The following LOXHD1 variants were observed in gnomAD, a reference collection of about 807,000 sequenced individuals.
LOXHD1 encodes lipoxygenase homology PLAT domains 1, also known as lipoxygenase homology domain-containing protein 1.
Under a neutral mutation model 248.2 loss-of-function variants are expected in LOXHD1, and 205 were observed. The observed-to-expected ratio is 0.83, with a 90% CI of 0.74 to 0.93. The LOEUF is 0.93. LOXHD1 is among the 40% of genes least tolerant of loss of function. The pLI, the probability that LOXHD1 is intolerant of heterozygous loss-of-function variation, is 0.00. For missense variants in LOXHD1, 2,930 were observed against 2,971.6 expected (o/e 0.99, Z 0.33); for synonymous variants, 1,113 against 1,162.8 (o/e 0.96, Z 0.87).
At chr18:46,639,160 G>A (rs1316115465) in intron 4 of LOXHD1, among the ~76,000 whole-genome samples, 1 of 152,204 alleles carries the variant, frequency 6.6e-6, no homozygotes, top group Non-Finnish European at 1.5e-5. Context: ...GGAGGAGTCA[G>A]AGGGCAGCAT....
At chr18:46,559,076 G>T in intron 20 of LOXHD1, 1 of 1,170,814 alleles carries the variant, frequency 8.5e-7, no homozygotes, top group South Asian at 1.3e-5. Context: ...ATACTCACCT[G>T]CCAAGGCCCA....
In LOXHD1 at chr18:46,583,111, C is replaced by T. The variant is rs145055527; in HGVS notation, c.1655-3327G>A. ...TCAACAAAATACACATTTTTCTATT[C>T]AAAGTCACAAAAAGGGTGAAAATAA... On this transcript the variant is annotated intron_variant, in intron 12 of 40. Coordinates refer to ENST00000642948, the MANE Select transcript of LOXHD1 (RefSeq NM_001384474.1). Among the ~76,000 whole-genome samples the T allele has an allele frequency of 5.0e-3, 761 of 152,054 alleles. 8 individuals carry two copies. The highest frequency in any genetic ancestry group is 0.016 in the African/African-American group (658 of 41,478).
chr18:46,646,839 G>A (rs924789141), intron 2 of LOXHD1, among the ~76,000 whole-genome samples: 1 of 152,218 alleles, frequency 6.6e-6, no homozygotes, highest in African/African-American at 2.4e-5. Context: ...ACTGGCCTTT[G>A]CCGAGCTCTG....
In LOXHD1 at chr18:46,534,366, A is replaced by T. The variant is rs1356532043; in HGVS notation, c.4181T>A (p.Val1394Glu). The T allele has an allele frequency of 6.4e-7, 1 of 1,551,696 alleles. No individual in the cohort carries two copies. Among genetic ancestry groups the T allele is most frequent in the East Asian group, 2.4e-5 (1 of 40,928 alleles). The change falls in exon 27 of 41, where the codon GTG (valine) becomes GAG (glutamate). Residue 1394 changes from valine (V) to glutamate (E), a missense_variant. Transcript: ENST00000642948. Reference sequence around the variant, plus strand: ...ATCCGGGAGGAGCCTGCGGATGTCCACGTGAGAGCAGTGCCACCCAGGATT... The same window carrying T: ...ATCCGGGAGGAGCCTGCGGATGTCCTCGTGAGAGCAGTGCCACCCAGGATT... ...GMNPGWHCSHVDIRRLLPDKD... is the reference protein window; with the variant it reads ...GMNPGWHCSHEDIRRLLPDKD...
At chr18:46,628,624 T>C (rs1346487635) in intron 4 of LOXHD1, among the ~76,000 whole-genome samples, 1 of 152,098 alleles carries the variant, frequency 6.6e-6, no homozygotes, top group Admixed American at 6.5e-5. Flanking sequence ...ACTGAGTAGC[T>C]CTGGAGTACT....
At position 46,643,713 on chromosome 18, in the gene LOXHD1, A is replaced by G. The variant is rs145351939; in HGVS notation, c.246-1677T>C. On this transcript the variant is annotated intron_variant, in intron 2 of 40. Coordinates refer to ENST00000642948, the MANE Select transcript of LOXHD1 (RefSeq NM_001384474.1). The stretch of plus-strand genomic sequence containing the variant: ...GGAATAAGAGGGCTTTTCTCTTCCA[A>G]TATATAAGACAAGGCAAGTGATCTT... Among the ~76,000 whole-genome samples, 812 of 152,354 alleles carry G rather than the reference A, an allele frequency of 5.3e-3. 9 individuals carry two copies. The highest frequency in any genetic ancestry group is 0.017 in the African/African-American group (718 of 41,584).
chr18:46,643,474 C>A (rs2038989150), intron 2 of LOXHD1, among the ~76,000 whole-genome samples: 1 of 152,128 alleles, frequency 6.6e-6, no homozygotes, highest in South Asian at 2.1e-4. Context: ...ATCCTCCTGC[C>A]CAGGAAAATA....
chr18:46,545,082 T>C (rs2036739012), intron 23 of LOXHD1, among the ~76,000 whole-genome samples: 1 of 152,194 alleles, frequency 6.6e-6, no homozygotes, highest in African/African-American at 2.4e-5. Flanking sequence ...TGTCCCAGAT[T>C]GTTATTGGGT....
In LOXHD1 at chr18:46,524,600, T is replaced by C. The variant is rs1555670255; in HGVS notation, c.4742A>G (p.Glu1581Gly). 2 of 1,551,710 alleles carry C rather than the reference T, an allele frequency of 1.3e-6. No individual in the cohort carries two copies. The highest frequency in any genetic ancestry group is 1.7e-6 in the Non-Finnish European group (2 of 1,146,992). ...GRLERLFYEK[E>G]YTGDRSSNCS... ...GTTGCTGCTGCGGTCCCCAGTGTAC[T>C]CCTGTGTGGGAGAGCAGGACTGGCA... is the stretch of plus-strand genomic sequence containing the variant. The change falls in exon 31 of 41, where the codon GAG becomes GGG. Residue 1581 changes from glutamate to glycine, a missense_variant and splice_region_variant. Coordinates refer to ENST00000642948, the MANE Select transcript of LOXHD1 (RefSeq NM_001384474.1).
chr18:46,649,468 A>G (rs897628596), intron 1 of LOXHD1, among the ~76,000 whole-genome samples, 199 bp from the exon 2 acceptor site: 28 of 152,144 alleles, frequency 1.8e-4, no homozygotes, highest in African/African-American at 6.8e-4. Context: ...CATTTAAACC[A>G]TGCACTCGTT....
At position 46,488,422 on chromosome 18, in the gene LOXHD1, C is replaced by T. The variant is rs190482221; in HGVS notation, c.6049+550G>A. 8.5e-5 allele frequency among the ~76,000 whole-genome samples: 13 copies of T among 152,332 alleles called. No individual in the cohort carries two copies. In the East Asian group the frequency reaches 1.2e-3, roughly 14 times the overall value. ...TTGGAAAAATCCATTTCTTATGTCACGCTCTGCCTTTGACAAGCCTCTTCC... is the reference window on the plus strand; with the variant it reads ...TTGGAAAAATCCATTTCTTATGTCATGCTCTGCCTTTGACAAGCCTCTTCC... On this transcript the variant is annotated intron_variant, in intron 38 of 40. Transcript: ENST00000642948.
At chr18:46,487,839 G>A (rs919120788) in intron 38 of LOXHD1, among the ~76,000 whole-genome samples, 1 of 152,166 alleles carries the variant, frequency 6.6e-6, no homozygotes, top group Non-Finnish European at 1.5e-5. Context: ...GCCAAGTCTC[G>A]GCTAGAGCCA....
chr18:46,555,995 G>A (rs1354940802), intron 21 of LOXHD1, among the ~76,000 whole-genome samples: 1 of 151,880 alleles, frequency 6.6e-6, no homozygotes, highest in African/African-American at 2.4e-5. Flanking sequence ...GCTATGCATG[G>A]ATTCACATTT....
chr18:46,506,188 C>T (rs2034560416), intron 36 of LOXHD1, among the ~76,000 whole-genome samples, 165 bp from the exon 37 acceptor site: 1 of 152,150 alleles, frequency 6.6e-6, no homozygotes, highest in African/African-American at 2.4e-5. Flanking sequence ...ATTACTGTCC[C>T]AGGTCTCCAA....
At chr18:46,608,840 A>C (rs1412280500) in intron 6 of LOXHD1, among the ~76,000 whole-genome samples, 1 of 152,230 alleles carries the variant, frequency 6.6e-6, no homozygotes, top group African/African-American at 2.4e-5. Context: ...GGTGCCCTCA[A>C]GGAACTTTCA....
intron 38 of LOXHD1, among the ~76,000 whole-genome samples, chr18:46,487,549 C>A (rs1033129856): frequency 3.9e-5 from 6 of 152,184 alleles, no homozygotes; most frequent in Admixed American, 2.6e-4. Context: ...GGAGCTCCTA[C>A]CATGTGGGTT....
intron 37 of LOXHD1, among the ~76,000 whole-genome samples, chr18:46,489,829 T>A (rs1401550271): frequency 2.0e-5 from 3 of 152,248 alleles, no homozygotes; most frequent in Non-Finnish European, 4.4e-5. Flanking sequence ...CCTAGCATAA[T>A]GACTGGCAAG....
At chr18:46,513,604 G>A (rs989094500) in intron 34 of LOXHD1, among the ~76,000 whole-genome samples, 1 of 152,218 alleles carries the variant, frequency 6.6e-6, no homozygotes, top group Non-Finnish European at 1.5e-5. Context: ...CACAAGCCAA[G>A]GACTGCTGGC....
chr18:46,572,582 T>C (rs1279723985), intron 14 of LOXHD1, among the ~76,000 whole-genome samples: 3 of 152,072 alleles, frequency 2.0e-5, no homozygotes, highest in Non-Finnish European at 4.4e-5. Context: ...ACAGGTCACA[T>C]GATATAGGGC....
Sources: gnomAD v4.1 joint callset for allele counts (sites outside exome capture counted in the v4.1 genomes callset) on GRCh38, gnomAD v4.1.1 for gene constraint, MANE v1.5 for transcripts, NCBI Gene and HGNC (gene_info 2026-07-23, HGNC 2026-07-21) for gene names.